Variants in RAB3C observed in about 807,000 individuals in gnomAD.
RAB3C encodes ras-related protein Rab-3C.
RAB3C carries 17 observed loss-of-function variants against 26.4 expected under a neutral mutation model. The ratio of observed to expected loss-of-function variants is 0.64; its 90% CI spans 0.44 to 0.97. The LOEUF (loss-of-function observed/expected upper bound fraction) is 0.97, where lower values mean the gene tolerates loss of function less well. Among genes scored for constraint, RAB3C ranks in the 50% least tolerant of loss-of-function variants. The pLI, the probability that RAB3C is intolerant of heterozygous loss-of-function variation, is 0.00. For missense variants in RAB3C, 242 were observed against 281.9 expected, an observed-to-expected ratio of 0.86 and a Z score of 1.01; for synonymous variants, 91 against 95.9, an observed-to-expected ratio of 0.95 and a Z score of 0.30.
chr5:58,814,302 A>G (rs1313533207), intron 3 of RAB3C, among the ~76,000 whole-genome samples: 1 of 152,102 alleles, frequency 6.6e-6, no homozygotes, highest in Non-Finnish European at 1.5e-5. Flanking sequence ...CAACTCTCCC[A>G]TAGGACTCCC....
rs1179720436 is a variant in RAB3C, at chr5:58,616,267, A to G, written c.25-1376A>G. On this transcript the variant is annotated intron_variant, in intron 1 of 4. Transcript: ENST00000282878. ...TAGTAGCCATTAGTCATATGCTGCT[A>G]TTTTGCACTTGAAATGTGGCTAGTA... Among the ~76,000 whole-genome samples the G allele has an allele frequency of 5.3e-5, 8 of 152,212 alleles. No homozygotes were observed. In the South Asian group the frequency reaches 6.2e-4, roughly 12 times the overall value.
intron 2 of RAB3C, among the ~76,000 whole-genome samples, chr5:58,713,622 C>T (rs191276940): frequency 4.7e-4 from 72 of 152,286 alleles, no homozygotes; most frequent in African/African-American, 1.7e-3. Flanking sequence ...AGCTTTAGAA[C>T]TTTTGCAAAC....
intron 3 of RAB3C, among the ~76,000 whole-genome samples, chr5:58,732,617 A>ATT (rs1433071277): frequency 1.3e-5 from 2 of 152,166 alleles, no homozygotes; most frequent in African/African-American, 2.4e-5. Context: ...AAATGATCCA[A>ATT]GAACTGAATG....
At chr5:58,654,567 T>C (rs1747726582) in intron 2 of RAB3C, among the ~76,000 whole-genome samples, 1 of 152,184 alleles carries the variant, frequency 6.6e-6, no homozygotes, top group Admixed American at 6.5e-5. Flanking sequence ...AATGAAATCT[T>C]CATATTTAGA....
intron 3 of RAB3C, among the ~76,000 whole-genome samples, chr5:58,782,899 A>G (rs389859): frequency 0.78 from 118,642 of 151,448 alleles, 46,594 homozygotes; most frequent in African/African-American, 0.83. Flanking sequence ...AAGGCTTTTC[A>G]TTTTCACAGC....
intron 1 of RAB3C, among the ~76,000 whole-genome samples, chr5:58,603,388 A>G (rs1052617052): frequency 6.6e-6 from 1 of 152,106 alleles, no homozygotes; most frequent in Non-Finnish European, 1.5e-5. Context: ...AGTTTTCCTC[A>G]ATTATTCCCC....
At chr5:58,842,304 C>G (rs917843494) in intron 4 of RAB3C, among the ~76,000 whole-genome samples, 29 of 152,166 alleles carry the variant, frequency 1.9e-4, no homozygotes, top group African/African-American at 7.0e-4. Context: ...GTTTGTTCAT[C>G]CTATCTTGGA....
intron 3 of RAB3C, among the ~76,000 whole-genome samples, chr5:58,785,837 G>A (rs903065940): frequency 2.0e-5 from 3 of 152,248 alleles, no homozygotes; most frequent in African/African-American, 7.2e-5. Context: ...ATGATCACAA[G>A]GGTCCGTGAA....
intron 3 of RAB3C, among the ~76,000 whole-genome samples, chr5:58,804,667 A>ATG (rs142259686): frequency 0.026 from 3,932 of 149,366 alleles, 97 homozygotes; most frequent in African/African-American, 0.065. Flanking sequence ...TGGGGTGCAT[A>ATG]TGTGTGTGTG....
chr5:58,787,555 C>T (rs1742419673), intron 3 of RAB3C, among the ~76,000 whole-genome samples: 1 of 152,132 alleles, frequency 6.6e-6, no homozygotes, highest in South Asian at 2.1e-4. Flanking sequence ...AGAGTTTACG[C>T]TCTTTGGCTT....
intron 2 of RAB3C, among the ~76,000 whole-genome samples, chr5:58,693,395 T>C (rs1210807718): frequency 1.4e-5 from 2 of 145,638 alleles, no homozygotes; most frequent in African/African-American, 2.6e-5. Flanking sequence ...TCACCTGGAC[T>C]GGGAATTTGA....
rs746093553 is a variant in RAB3C at position 58,583,206 on chromosome 5, A to G, written c.-3A>G. The G allele has an allele frequency of 1.9e-6, 3 of 1,614,224 alleles. No individual in the cohort carries two copies. In the South Asian group the frequency reaches 3.3e-5, roughly 18 times the overall value. ...AGCCAGAGAGAAAGGACATTTGCCAACAATGAGACACGAAGCGCCCATGCA... is the reference window on the plus strand; with the variant it reads ...AGCCAGAGAGAAAGGACATTTGCCAGCAATGAGACACGAAGCGCCCATGCA... On this transcript the variant is annotated 5_prime_UTR_variant, in exon 1 of 5. Transcript: ENST00000282878.
intron 4 of RAB3C, among the ~76,000 whole-genome samples, chr5:58,839,462 C>A (rs1043856872): frequency 3.3e-5 from 5 of 151,914 alleles, no homozygotes; most frequent in Admixed American, 6.6e-5. Context: ...CATCCGCCTC[C>A]CAGGTTCAAG....
chr5:58,759,259 G>C (rs1169581304), intron 3 of RAB3C, among the ~76,000 whole-genome samples: 3 of 152,150 alleles, frequency 2.0e-5, no homozygotes, highest in Non-Finnish European at 4.4e-5. Context: ...CAGATGTGGT[G>C]GGGTTGGGGC....
At chr5:58,599,370 T>G (rs1746399472) in intron 1 of RAB3C, among the ~76,000 whole-genome samples, 1 of 152,170 alleles carries the variant, frequency 6.6e-6, no homozygotes. Flanking sequence ...GGCCTGAGCT[T>G]CAGGACTACA....
intron 2 of RAB3C, among the ~76,000 whole-genome samples, chr5:58,645,492 G>C (rs1429899992): frequency 6.6e-6 from 1 of 152,168 alleles, no homozygotes; most frequent in East Asian, 1.9e-4. Flanking sequence ...GTGATAAAAA[G>C]TAAGGGCACA....
intron 2 of RAB3C, among the ~76,000 whole-genome samples, chr5:58,720,921 C>A (rs1043187576): frequency 6.6e-6 from 1 of 151,812 alleles, no homozygotes; most frequent in Non-Finnish European, 1.5e-5. Flanking sequence ...ACAACTCCTA[C>A]CTTACAAATG....
At position 58,855,925 on chromosome 5, in the gene RAB3C, T is replaced by G. The variant is rs1744248512; in HGVS notation, c.*4574T>G. 1.3e-5 allele frequency: 2 copies of G among 152,206 alleles called. No individual in the cohort carries two copies. Among genetic ancestry groups the G allele is most frequent in the Non-Finnish European group, 2.9e-5 (2 of 68,034 alleles). 9.4% of individuals were successfully genotyped at this position (152,206 alleles called of 1,614,324 possible). On this transcript the variant is annotated 3_prime_UTR_variant, in exon 5 of 5. Transcript: ENST00000282878. Reference sequence around the variant, plus strand: ...TGTTACTGGTATTTCACAAATAATTTTTTTCTTAAAAATATTTACAGAAAT... The same window carrying G: ...TGTTACTGGTATTTCACAAATAATTGTTTTCTTAAAAATATTTACAGAAAT...
At chr5:58,582,792 C>T (rs1462845941), upstream of RAB3C, among the ~76,000 whole-genome samples, 1 of 152,192 alleles carries the variant, frequency 6.6e-6, no homozygotes. Flanking sequence ...AGAAAAATCT[C>T]CAGCTGAGAT....
Sources: allele counts gnomAD v4.1 joint callset (sites outside exome capture counted in the v4.1 genomes callset), GRCh38; gene constraint gnomAD v4.1.1; transcripts MANE v1.5; gene names NCBI Gene and HGNC (gene_info 2026-07-23, HGNC 2026-07-21).